The following VWA5A variants were observed in gnomAD, a reference collection of about 807,000 sequenced individuals.
VWA5A encodes the protein von Willebrand factor A domain containing 5A.
VWA5A carries 77 observed loss-of-function variants against 84.6 expected under a neutral mutation model. The ratio of observed to expected loss-of-function variants is 0.91; its 90% CI spans 0.76 to 1.10. The LOEUF (loss-of-function observed/expected upper bound fraction) is 1.10, where lower values mean the gene tolerates loss of function less well. VWA5A is among the 50% of genes least tolerant of loss of function. The probability of loss-of-function intolerance (pLI) is 0.00; values close to 1 mark genes in which losing one functional copy is unlikely to be tolerated. For synonymous variants in VWA5A, 334 were observed against 350.1 expected, an observed-to-expected ratio of 0.95 and a Z score of 0.51; for missense variants, 973 against 963.0, an observed-to-expected ratio of 1.01 and a Z score of -0.14.
chr11:124,139,631 A>G (rs1368574446), intron 15 of VWA5A, among the ~76,000 whole-genome samples: 1 of 150,560 alleles, frequency 6.6e-6, no homozygotes, highest in Non-Finnish European at 1.5e-5. Flanking sequence ...TGACTTTTGT[A>G]TGTTGATTTT....
At chr11:124,138,184 A>G (rs1036752549) in intron 15 of VWA5A, among the ~76,000 whole-genome samples, 20 of 152,210 alleles carry the variant, frequency 1.3e-4, no homozygotes, top group Non-Finnish European at 2.5e-4. Flanking sequence ...TTGTGTATAT[A>G]TAGTACATTT....
At position 124,118,249 on chromosome 11, in the gene VWA5A, G is replaced by A. The variant is rs1424035628; in HGVS notation, c.307G>A (p.Asp103Asn). 1.2e-6 allele frequency: 2 copies of A among 1,614,224 alleles called. No individual in the cohort carries two copies. Among genetic ancestry groups the A allele is most frequent in the Admixed American group, 3.3e-5 (2 of 60,030 alleles). Residue 103 changes from aspartate (D) to asparagine (N), a missense_variant, in exon 5 of 19, where the codon GAC becomes AAC. Coordinates refer to ENST00000456829, the MANE Select transcript of VWA5A (RefSeq NM_001130142.2). The part of the protein sequence containing the change: ...QGHQAFLLEG[D>N]SSSRDVFSCN... ...CCACCAGGCCTTCTTATTGGAGGGG[G>A]ACAGCAGCTCCAGGGATGTCTTCTC...
Position 124,145,368 on chromosome 11 carries a change from G to A in VWA5A, c.2281+5G>A. The A allele has an allele frequency of 6.2e-7, 1 of 1,610,196 alleles. No homozygotes were observed. The highest frequency in any genetic ancestry group is 2.2e-5 in the East Asian group (1 of 44,794). On this transcript the variant is annotated splice_donor_5th_base_variant and intron_variant, in intron 18 of 18. Transcript: ENST00000456829. ...CCTGGATGCGTGCCCATGCAGGTAG[G>A]AGCACAATCCTAAGGCCTGTCTCCT...
In VWA5A at chr11:124,136,587, C is replaced by T. The variant is rs540090474; in HGVS notation, c.1538C>T (p.Thr513Ile). ...LTGRMPAAET[T>I]GEVCLKYTLQ... ...TCTAATTTGCAGGCAGCAGAGACAACAGGAGAAGTATGCCTCAAATATACA... is the reference window on the plus strand; with the variant it reads ...TCTAATTTGCAGGCAGCAGAGACAATAGGAGAAGTATGCCTCAAATATACA... Residue 513 changes from threonine (T) to isoleucine (I), a missense_variant, in exon 14 of 19, where the codon ACA (threonine) becomes ATA (isoleucine). By Grantham distance (89) the Thr-to-Ile change is moderately conservative. Transcript: ENST00000456829. 16 of 1,614,134 alleles carry T rather than the reference C, an allele frequency of 9.9e-6. No homozygotes were observed. In the East Asian group the frequency reaches 2.5e-4, roughly 25 times the overall value.
chr11:124,138,875 C>T (rs80076543), intron 15 of VWA5A, among the ~76,000 whole-genome samples: 4,816 of 152,204 alleles, frequency 0.032, 160 homozygotes, highest in African/African-American at 0.087. Flanking sequence ...GATATTTTCC[C>T]TTATGTTTTC....
At chr11:124,145,025 C>T (rs985638598) in intron 17 of VWA5A, among the ~76,000 whole-genome samples, 1 of 152,144 alleles carries the variant, frequency 6.6e-6, no homozygotes, top group Non-Finnish European at 1.5e-5. Flanking sequence ...GGATTTAAAA[C>T]TTAGGATTTT....
chr11:124,118,706 C>A lies in VWA5A; in HGVS notation c.643C>A (p.Gln215Lys), dbSNP rs1864882606. The change falls in exon 6 of 19, where the codon CAG becomes AAG. Residue 215 changes from glutamine (Q) to lysine (K), a missense_variant and splice_region_variant. By Grantham distance (53) the Gln-to-Lys change is moderately conservative (BLOSUM62 1). Coordinates refer to ENST00000456829, the MANE Select transcript of VWA5A (RefSeq NM_001130142.2). ...CCTAGGAGAGGACAAGACTTCTGCT[C>A]AGGTAGTTAATGAGAGAATACTGCT... ...EYLGEDKTSA[Q>K]VSLAAGHKFD... 1 of 1,613,010 alleles carries A rather than the reference C, an allele frequency of 6.2e-7. No homozygotes were observed. The highest frequency in any genetic ancestry group is 8.5e-7 in the Non-Finnish European group (1 of 1,179,482).
rs756220903 is a variant in VWA5A, at chr11:124,142,527, C to T, written c.2109C>T (p.Ile703=). 11 of 1,613,996 alleles carry T rather than the reference C, an allele frequency of 6.8e-6. No individual in the cohort carries two copies. Among genetic ancestry groups the T allele is most frequent in the Non-Finnish European group, 9.3e-6 (11 of 1,180,046 alleles). The change falls in exon 17 of 19, where the codon ATC becomes ATT. Residue 703 remains isoleucine (I), a synonymous_variant. Coordinates refer to ENST00000456829, the MANE Select transcript of VWA5A (RefSeq NM_001130142.2). ...ATCTGAATGAAGATCTAGCCAAGAT[C>T]CTAGGTATGAGTTTGGAAGAAATAA... ...SWDLNEDLAK[I]LGMSLEEIMA...
rs1331557161 is a variant in VWA5A at position 124,147,277 on chromosome 11, A to T, written c.*1332A>T. ...TGTAGAATCCTGACCATACCCTTAA[A>T]TAGTTATGTGATGATGGGCAAATGA... On this transcript the variant is annotated 3_prime_UTR_variant, in exon 19 of 19. Coordinates refer to ENST00000456829, the MANE Select transcript of VWA5A (RefSeq NM_001130142.2). 1 of 152,196 alleles carries T rather than the reference A, an allele frequency of 6.6e-6. No individual in the cohort carries two copies. Among genetic ancestry groups the T allele is most frequent in the African/African-American group, 2.4e-5 (1 of 41,432 alleles). 9.4% of individuals were successfully genotyped at this position (152,196 alleles called of 1,614,324 possible). A position where few individuals can be genotyped will look rare whatever the true frequency, so the allele number is the denominator to read the frequency against.
chr11:124,125,947 G>A (rs1288091547), intron 11 of VWA5A, among the ~76,000 whole-genome samples: 1 of 152,138 alleles, frequency 6.6e-6, no homozygotes, highest in Non-Finnish European at 1.5e-5. Context: ...TCGTATTTTT[G>A]TAATGTGGAT....
At chr11:124,127,660 C>T (rs1865039111) in intron 11 of VWA5A, among the ~76,000 whole-genome samples, 1 of 152,200 alleles carries the variant, frequency 6.6e-6, no homozygotes, top group Admixed American at 6.5e-5. Context: ...TATTTCTCCA[C>T]ATCCTCTCCA....
chr11:124,130,239 CAG>C (rs1352957360), intron 11 of VWA5A, among the ~76,000 whole-genome samples: 2 of 152,112 alleles, frequency 1.3e-5, no homozygotes, highest in African/African-American at 4.8e-5. Context: ...GTTATTTACC[CAG>C]TGGTCATTCA....
intron 17 of VWA5A, 70 bp from the exon 18 acceptor site, chr11:124,145,166 AG>A: frequency 6.6e-7 from 1 of 1,526,648 alleles, no homozygotes. Context: ...CTAAGTGAGG[AG>A]GGAGTGAAGC....
chr11:124,144,900 A>G (rs912080000), intron 17 of VWA5A, among the ~76,000 whole-genome samples: 2 of 152,196 alleles, frequency 1.3e-5, no homozygotes, highest in Non-Finnish European at 2.9e-5. Flanking sequence ...AAGGGTTACA[A>G]TTAAAAAAAA....
chr11:124,136,691 CCCTTCCTTCCTTCCTTCCTTCCTT>C lies in VWA5A; in HGVS notation c.1625+51_1625+74del, dbSNP rs370786608. On this transcript the variant is annotated intron_variant, in intron 14 of 18. Coordinates refer to ENST00000456829, the MANE Select transcript of VWA5A (RefSeq NM_001130142.2). Reference sequence around the variant, plus strand: ...TGATGTCAAGTGAGAATTCAGTTTTCCCTTCCTTCCTTCCTTCCTTCCTTCCTTCCTTCCTTCCTTCCTTCCTTC... The same window carrying C: ...TGATGTCAAGTGAGAATTCAGTTTTCCCTTCCTTCCTTCCTTCCTTCCTTC... 1.2e-4 allele frequency: 134 copies of C among 1,095,954 alleles called. No individual in the cohort carries two copies. The highest frequency in any genetic ancestry group is 2.5e-4 in the African/African-American group (10 of 40,772). 67.9% of individuals were successfully genotyped at this position (1,095,954 alleles called of 1,614,324 possible). A position where few individuals can be genotyped will look rare whatever the true frequency, so the allele number is the denominator to read the frequency against.
At chr11:124,123,847 A>G in intron 10 of VWA5A, 43 bp downstream of exon 10, 2 of 1,526,474 alleles carry the variant, frequency 1.3e-6, no homozygotes, top group Non-Finnish European at 1.8e-6. Context: ...AGGAAGTGTG[A>G]AATCTCTAAG....
In VWA5A at chr11:124,136,650, C is replaced by T. The variant is rs1469879066; in HGVS notation, c.1601C>T (p.Pro534Leu). 1.5e-5 allele frequency: 24 copies of T among 1,613,882 alleles called. No individual in the cohort carries two copies. The highest frequency in any genetic ancestry group is 1.9e-5 in the Non-Finnish European group (22 of 1,179,996). Reference sequence around the variant, plus strand: ...ACTTTTGAGGATAAGGTGACATTTCCTCTACAACCCAAGCCTGATGTCAAG... The same window carrying T: ...ACTTTTGAGGATAAGGTGACATTTCTTCTACAACCCAAGCCTGATGTCAAG... Reference protein sequence around the residue: ...GKTFEDKVTFPLQPKPDVNLT... With the variant: ...GKTFEDKVTFLLQPKPDVNLT... The change falls in exon 14 of 19, where the codon CCT (proline) becomes CTT (leucine). Residue 534 changes from proline (P) to leucine (L), a missense_variant. Physicochemically the swap from Pro to Leu is moderately conservative, Grantham distance 98. Transcript: ENST00000456829.
intron 15 of VWA5A, 62 bp downstream of exon 15, chr11:124,137,330 T>C (rs1010528558): frequency 1.9e-6 from 3 of 1,561,184 alleles, no homozygotes; most frequent in Non-Finnish European, 1.7e-6. Flanking sequence ...TCTGAGCACA[T>C]TATTTAAAGG....
In VWA5A at chr11:124,145,858, C is replaced by T. The variant is rs1377493107; in HGVS notation, c.2282-8C>T. On this transcript the variant is annotated splice_polypyrimidine_tract_variant and splice_region_variant and intron_variant, in intron 18 of 18. Transcript: ENST00000456829. ...TTCATCCCTGCTTCTTGTTTTTCCTCACCACAGGCTCCACCATGCCTTCGG... is the reference window on the plus strand; with the variant it reads ...TTCATCCCTGCTTCTTGTTTTTCCTTACCACAGGCTCCACCATGCCTTCGG... 4.5e-6 allele frequency: 7 copies of T among 1,572,176 alleles called. No homozygotes were observed. The highest frequency in any genetic ancestry group is 6.1e-6 in the Non-Finnish European group (7 of 1,155,284).
Sources: gnomAD v4.1 joint callset for allele counts (sites outside exome capture counted in the v4.1 genomes callset) on GRCh38, gnomAD v4.1.1 for gene constraint, MANE v1.5 for transcripts, NCBI Gene and HGNC (gene_info 2026-07-23, HGNC 2026-07-21) for gene names.